Variants in PXDNL observed in about 807,000 individuals in gnomAD.
PXDNL encodes the protein probable oxidoreductase PXDNL.
PXDNL carries 145 observed loss-of-function variants against 150.8 expected under a neutral mutation model. That is an observed-to-expected ratio of 0.96 (90% confidence interval 0.84 to 1.10). PXDNL has a LOEUF of 1.10. Among genes scored for constraint, PXDNL ranks in the 50% least tolerant of loss-of-function variants. The pLI, the probability that PXDNL is intolerant of heterozygous loss-of-function variation, is 0.00. For synonymous variants in PXDNL, 757 were observed against 725.7 expected, an observed-to-expected ratio of 1.04 and a Z score of -0.69; for missense variants, 2,087 against 1,873.9, an observed-to-expected ratio of 1.11 and a Z score of -2.10.
chr8:51,432,869 T>C (rs1809286360), intron 12 of PXDNL, among the ~76,000 whole-genome samples: 2 of 152,212 alleles, frequency 1.3e-5, no homozygotes, highest in Non-Finnish European at 1.5e-5. Flanking sequence ...GGCTAGGACC[T>C]TCCATTACAA....
Position 51,409,327 on chromosome 8 carries a change from CCGCGGGGCG to C in PXDNL, c.2288_2296del (p.Ala763_Arg765del). The stretch of plus-strand genomic sequence containing the variant: ...GCGGGAGCCCACAGGAAGGCCGAGC[CCGCGGGGCG>C]CGCGGATGCCGTCCCGGTAGGCTGG... On this transcript the variant is annotated inframe_deletion, in exon 17 of 23. Transcript: ENST00000356297. 1 of 1,440,394 alleles carries C rather than the reference CCGCGGGGCG, an allele frequency of 6.9e-7. No homozygotes were observed. The allele number at this position is 1,440,394 out of a possible 1,614,324, so 89.2% of individuals were successfully genotyped here.
intron 17 of PXDNL, among the ~76,000 whole-genome samples, chr8:51,375,025 G>GTATA (rs544070920): frequency 6.3e-4 from 94 of 149,744 alleles, no homozygotes; most frequent in Middle Eastern, 3.5e-3. Flanking sequence ...GAGTATAACT[G>GTATA]TATATATATA....
intron 1 of PXDNL, among the ~76,000 whole-genome samples, chr8:51,672,227 T>C (rs1563502311): frequency 1.3e-5 from 2 of 152,130 alleles, no homozygotes; most frequent in Non-Finnish European, 2.9e-5. Flanking sequence ...GTGATCTGCC[T>C]AGCCTCAGCC....
chr8:51,408,979 T>G lies in PXDNL; in HGVS notation c.2645A>C (p.Tyr882Ser). The change falls in exon 17 of 23, where the codon TAT (tyrosine) becomes TCT (serine). Residue 882 changes from tyrosine (Y) to serine (S), a missense_variant. Coordinates refer to ENST00000356297, the MANE Select transcript of PXDNL (RefSeq NM_144651.5). ...GRPSATVDSV[Y>S]AREQINQQTA... ...TTGCTGGTTGATCTGCTCTCGTGCA[T>G]AGACTGAATCCACCGTCGCAGAGGG... The G allele has an allele frequency of 6.2e-7, 1 of 1,612,156 alleles. No individual in the cohort carries two copies. Among genetic ancestry groups the G allele is most frequent in the Non-Finnish European group, 8.5e-7 (1 of 1,179,860 alleles).
intron 1 of PXDNL, among the ~76,000 whole-genome samples, chr8:51,785,094 G>A (rs1218984459): frequency 6.6e-6 from 1 of 152,080 alleles, no homozygotes; most frequent in Non-Finnish European, 1.5e-5. Context: ...GATCTTTAGT[G>A]GAATTAAACA....
intron 4 of PXDNL, among the ~76,000 whole-genome samples, chr8:51,512,946 C>T (rs1371207213): frequency 1.3e-5 from 2 of 149,482 alleles, no homozygotes; most frequent in African/African-American, 4.9e-5. Context: ...CAGGGGCAAG[C>T]AGCCCAACCT....
At chr8:51,666,394 A>C (rs1189116650) in intron 1 of PXDNL, among the ~76,000 whole-genome samples, 2 of 152,152 alleles carry the variant, frequency 1.3e-5, no homozygotes, top group African/African-American at 2.4e-5. Flanking sequence ...TAAGTAAGTA[A>C]GCAGAAAGTA....
intron 5 of PXDNL, among the ~76,000 whole-genome samples, chr8:51,491,486 A>C (rs1238956082): frequency 6.6e-6 from 1 of 152,232 alleles, no homozygotes; most frequent in African/African-American, 2.4e-5. Flanking sequence ...ATATTTAGAC[A>C]ATAGGAAAGA....
chr8:51,732,347 G>A (rs1323192147), intron 1 of PXDNL, among the ~76,000 whole-genome samples: 1 of 152,126 alleles, frequency 6.6e-6, no homozygotes, highest in Non-Finnish European at 1.5e-5. Context: ...TTCCCAACAA[G>A]TTCCTCATCT....
At position 51,561,298 on chromosome 8, in the gene PXDNL, C is replaced by T. The variant is rs1180142089; in HGVS notation, c.309-4387G>A. 1.3e-5 allele frequency among the ~76,000 whole-genome samples: 2 copies of T among 151,936 alleles called. 1 individual carries two copies. The highest frequency in any genetic ancestry group is 6.3e-3 in the Middle Eastern group (2 of 316). ...AGAATTGAAAGTAGAGATATCTGCA[C>T]ACACATGTTCCACACCAGCACTACT... On this transcript the variant is annotated intron_variant, in intron 3 of 22. Coordinates refer to ENST00000356297, the MANE Select transcript of PXDNL (RefSeq NM_144651.5).
intron 4 of PXDNL, among the ~76,000 whole-genome samples, chr8:51,522,418 C>G (rs1179441555): frequency 6.6e-6 from 1 of 152,184 alleles, no homozygotes; most frequent in African/African-American, 2.4e-5. Flanking sequence ...GACTGGCACG[C>G]TGAGCTCCAG....
chr8:51,335,712 C>CACACACACACACAT, intron 21 of PXDNL, among the ~76,000 whole-genome samples: 1 of 151,608 alleles, frequency 6.6e-6, no homozygotes, highest in African/African-American at 2.4e-5. Context: ...CACACACACA[C>CACACACACACACAT]ACACACACAT....
intron 4 of PXDNL, among the ~76,000 whole-genome samples, chr8:51,556,583 G>A (rs1222080945): frequency 6.6e-6 from 1 of 152,152 alleles, no homozygotes; most frequent in Non-Finnish European, 1.5e-5. Context: ...AAAGGTTCAC[G>A]GAGGGTAAGT....
chr8:51,677,499 C>A (rs1815650233), intron 1 of PXDNL, among the ~76,000 whole-genome samples: 1 of 152,152 alleles, frequency 6.6e-6, no homozygotes. Flanking sequence ...ATGACTCAAT[C>A]CAGAGTTATC....
chr8:51,544,783 C>T (rs1453636834), intron 4 of PXDNL, among the ~76,000 whole-genome samples: 2 of 152,114 alleles, frequency 1.3e-5, no homozygotes, highest in Admixed American at 1.3e-4. Flanking sequence ...GCAGGATTGG[C>T]ATTTCTATAC....
chr8:51,449,619 A>C (rs1312845529), intron 10 of PXDNL, among the ~76,000 whole-genome samples: 1 of 152,254 alleles, frequency 6.6e-6, no homozygotes, highest in South Asian at 2.1e-4. Flanking sequence ...GTCAAAATTC[A>C]GAGTTCCAAA....
chr8:51,777,903 C>T (rs1325417645), intron 1 of PXDNL, among the ~76,000 whole-genome samples: 1 of 151,608 alleles, frequency 6.6e-6, no homozygotes, highest in Non-Finnish European at 1.5e-5. Flanking sequence ...AACTCCATCT[C>T]AAAAACAAAA....
intron 18 of PXDNL, among the ~76,000 whole-genome samples, chr8:51,373,001 G>A (rs1475431885): frequency 1.3e-5 from 2 of 152,104 alleles, no homozygotes; most frequent in Non-Finnish European, 2.9e-5. Context: ...AATTAAGATG[G>A]TAGGCAAAAA....
chr8:51,655,792 A>G (rs2130803493), intron 1 of PXDNL, among the ~76,000 whole-genome samples: 1 of 152,286 alleles, frequency 6.6e-6, no homozygotes, highest in South Asian at 2.1e-4. Context: ...AAGGAAAATG[A>G]ACATCTAGGG....
Sources: allele counts gnomAD v4.1 joint callset (sites outside exome capture counted in the v4.1 genomes callset), GRCh38; gene constraint gnomAD v4.1.1; transcripts MANE v1.5; gene names NCBI Gene and HGNC (gene_info 2026-07-23, HGNC 2026-07-21).